Variants in RNF168 observed in about 807,000 individuals in gnomAD.
The protein encoded by RNF168 is ring finger protein 168.
In RNF168, 34 loss-of-function variants were observed where a neutral mutation model predicts 34.9. The ratio of observed to expected loss-of-function variants is 0.97; its 90% CI spans 0.74 to 1.30. The LOEUF (loss-of-function observed/expected upper bound fraction) is 1.30. RNF168 is among the 50% of genes most tolerant of loss of function. The pLI, the probability that RNF168 is intolerant of heterozygous loss-of-function variation, is 0.00. For synonymous variants in RNF168, 264 were observed against 254.7 expected (o/e 1.04, Z -0.35); for missense variants, 725 against 682.5 (o/e 1.06, Z -0.69).
intron 1 of RNF168, among the ~76,000 whole-genome samples, chr3:196,501,496 T>C (rs1157236568): frequency 2.6e-5 from 4 of 152,016 alleles, no homozygotes; most frequent in Admixed American, 2.6e-4. Flanking sequence ...GTCCCTTCTA[T>C]GAAATACCTA....
intron 1 of RNF168, among the ~76,000 whole-genome samples, chr3:196,491,877 G>A (rs1358085403): frequency 6.6e-6 from 1 of 152,160 alleles, no homozygotes; most frequent in Non-Finnish European, 1.5e-5. Context: ...GAAACAGCCA[G>A]TCACCAAAGG....
At chr3:196,476,790 C>T (rs775544921) in intron 4 of RNF168, among the ~76,000 whole-genome samples, 2 of 151,798 alleles carry the variant, frequency 1.3e-5, no homozygotes, top group Non-Finnish European at 2.9e-5. Context: ...ACTCTGTCGC[C>T]AGGCTGGAGT....
Position 196,503,204 on chromosome 3 carries a change from C to T in RNF168, c.-31G>A. 3 of 1,594,708 alleles carry T rather than the reference C, an allele frequency of 1.9e-6. No individual in the cohort carries two copies. Among genetic ancestry groups the T allele is most frequent in the Non-Finnish European group, 2.6e-6 (3 of 1,162,516 alleles). ...TATGTTAGTAAAGCCGACTAAACAACGACACCTGCACGAAAAAGAATCCTA... is the reference window on the plus strand; with the variant it reads ...TATGTTAGTAAAGCCGACTAAACAATGACACCTGCACGAAAAAGAATCCTA... On this transcript the variant is annotated 5_prime_UTR_variant, in exon 1 of 6. Transcript: ENST00000318037.
intron 1 of RNF168, among the ~76,000 whole-genome samples, chr3:196,491,868 A>T (rs566438773): frequency 6.6e-6 from 1 of 152,326 alleles, no homozygotes; most frequent in African/African-American, 2.4e-5. Context: ...ACGCTGCGTG[A>T]AACAGCCAGT....
rs1287319735 is a variant in RNF168, at chr3:196,469,692, A to G, written c.*2127T>C. 6.6e-6 allele frequency: 1 copy of G among 152,228 alleles called. No homozygotes were observed. Among genetic ancestry groups the G allele is most frequent in the East Asian group, 1.9e-4 (1 of 5,208 alleles). 9.4% of individuals were successfully genotyped at this position (152,228 alleles called of 1,614,324 possible). On this transcript the variant is annotated 3_prime_UTR_variant, in exon 6 of 6. Coordinates refer to ENST00000318037, the MANE Select transcript of RNF168 (RefSeq NM_152617.4). ...AGTGTCTTCTGATTTAACTTTCAGG[A>G]GTAAGAAAGGGCAAAACCCAAGCAC...
At chr3:196,488,312 T>C (rs1161264073) in intron 2 of RNF168, among the ~76,000 whole-genome samples, 1 of 151,938 alleles carries the variant, frequency 6.6e-6, no homozygotes, top group East Asian at 1.9e-4. Flanking sequence ...AAACCCCATC[T>C]CTACTAAAAA....
intron 4 of RNF168, among the ~76,000 whole-genome samples, chr3:196,475,989 A>G (rs1732140975): frequency 1.3e-5 from 2 of 151,176 alleles, no homozygotes; most frequent in Non-Finnish European, 2.9e-5. Context: ...CCTCCTGAGT[A>G]GCTGGGATTA....
intron 1 of RNF168, among the ~76,000 whole-genome samples, chr3:196,499,202 G>A (rs73072959): frequency 0.019 from 2,876 of 152,000 alleles, 106 homozygotes; most frequent in African/African-American, 0.067. Flanking sequence ...CAGAGGAGAC[G>A]GCCATGTAAA....
chr3:196,497,077 C>A (rs1044077596), intron 1 of RNF168, among the ~76,000 whole-genome samples: 1 of 151,506 alleles, frequency 6.6e-6, no homozygotes, highest in African/African-American at 2.4e-5. Context: ...ACCTGGGAGG[C>A]AGAGGATGTA....
intron 3 of RNF168, among the ~76,000 whole-genome samples, chr3:196,484,777 T>A (rs937188962): frequency 6.6e-6 from 1 of 152,012 alleles, no homozygotes; most frequent in African/African-American, 2.4e-5. Context: ...TCTTAGCTTC[T>A]CGAGTAGCTA....
chr3:196,481,739 G>A (rs1304337465), intron 4 of RNF168, among the ~76,000 whole-genome samples: 3 of 113,680 alleles, frequency 2.6e-5, no homozygotes, highest in Admixed American at 1.3e-4. Context: ...CTGCAGCTTC[G>A]ACCTCTTGGG....
intron 1 of RNF168, among the ~76,000 whole-genome samples, chr3:196,500,874 G>A (rs977549692): frequency 1.3e-5 from 2 of 151,664 alleles, no homozygotes; most frequent in African/African-American, 4.8e-5. Flanking sequence ...AACATGCCCG[G>A]CTAATTTTTT....
intron 1 of RNF168, among the ~76,000 whole-genome samples, chr3:196,494,389 T>C (rs983222559): frequency 2.6e-5 from 4 of 152,190 alleles, no homozygotes. Context: ...TTTAAGGAAA[T>C]ATGTCCCCAT....
chr3:196,488,269 CAGG>C (rs1732504341), intron 2 of RNF168, among the ~76,000 whole-genome samples: 1 of 152,042 alleles, frequency 6.6e-6, no homozygotes, highest in Non-Finnish European at 1.5e-5. Context: ...ATCACAAGGT[CAGG>C]AGATCGAGAC....
intron 3 of RNF168, among the ~76,000 whole-genome samples, chr3:196,487,190 CCA>C (rs927279476): frequency 6.6e-5 from 10 of 152,192 alleles, no homozygotes; most frequent in Admixed American, 6.5e-4. Flanking sequence ...TCTTTGAAAA[CCA>C]CAGTCAAAGC....
chr3:196,501,900 C>CT (rs1732896328), intron 1 of RNF168, among the ~76,000 whole-genome samples: 1 of 151,986 alleles, frequency 6.6e-6, no homozygotes, highest in Non-Finnish European at 1.5e-5. Flanking sequence ...CAACCGCACA[C>CT]TTTTAGTAGG....
rs1732024919 is a variant in RNF168, at chr3:196,472,228, A to G, written c.1307T>C (p.Leu436Pro). ...TQKLIDLEHLLFERHKQEEQD... is the reference protein window; with the variant it reads ...TQKLIDLEHLPFERHKQEEQD... ...TTCTTCTTGTTTATGTCTCTCAAAC[A>G]GTAGATGCTCCAAATCTATCAGTTT... Residue 436 changes from leucine to proline, a missense_variant, in exon 6 of 6, where the codon CTG (leucine) becomes CCG (proline). Leu to Pro is a moderately conservative substitution (Grantham distance 98). Coordinates refer to ENST00000318037, the MANE Select transcript of RNF168 (RefSeq NM_152617.4). 2 of 1,614,004 alleles carry G rather than the reference A, an allele frequency of 1.2e-6. No individual in the cohort carries two copies. Among genetic ancestry groups the G allele is most frequent in the African/African-American group, 1.3e-5 (1 of 74,942 alleles).
intron 1 of RNF168, among the ~76,000 whole-genome samples, chr3:196,491,355 C>T: frequency 6.7e-6 from 1 of 149,868 alleles, no homozygotes; most frequent in East Asian, 2.0e-4. Context: ...CCAAATAAAA[C>T]AACTGACAGT....
At position 196,471,196 on chromosome 3, in the gene RNF168, C is replaced by CAAAAAAAAAAAAAAAAAAAAA. The variant is rs57647149; in HGVS notation, c.*602_*622dup. On this transcript the variant is annotated 3_prime_UTR_variant, in exon 6 of 6. Coordinates refer to ENST00000318037, the MANE Select transcript of RNF168 (RefSeq NM_152617.4). Reference sequence around the variant, plus strand: ...GCGTGACAGAGCAAGACTCTGTCTCCAAAAAAAAAAAAAAAAAAAAAAAAA... The same window carrying CAAAAAAAAAAAAAAAAAAAAA: ...GCGTGACAGAGCAAGACTCTGTCTCCAAAAAAAAAAAAAAAAAAAAAAAAAAAAAAAAAAAAAAAAAAAAAA... 3 of 40,640 alleles carry CAAAAAAAAAAAAAAAAAAAAA rather than the reference C, an allele frequency of 7.4e-5. No homozygotes were observed. Among genetic ancestry groups the CAAAAAAAAAAAAAAAAAAAAA allele is most frequent in the Admixed American group, 5.1e-4 (1 of 1,968 alleles). 2.5% of individuals were successfully genotyped at this position (40,640 alleles called of 1,614,324 possible).
Sources: gnomAD v4.1 joint callset for allele counts (sites outside exome capture counted in the v4.1 genomes callset) on GRCh38, gnomAD v4.1.1 for gene constraint, MANE v1.5 for transcripts, NCBI Gene and HGNC (gene_info 2026-07-23, HGNC 2026-07-21) for gene names.